Variants in MINDY3 observed in about 807,000 individuals in gnomAD.
MINDY3 encodes the protein ubiquitin carboxyl-terminal hydrolase MINDY-3.
A neutral mutation model predicts 69.2 loss-of-function variants in MINDY3; 38 were observed. The ratio of observed to expected loss-of-function variants is 0.55; its 90% CI spans 0.42 to 0.72. MINDY3 has a LOEUF of 0.72. Among genes scored for constraint, MINDY3 ranks in the 30% least tolerant of loss-of-function variants. MINDY3 has a pLI of 0.00. For missense variants in MINDY3, 522 were observed against 519.0 expected (o/e 1.01, Z -0.06); for synonymous variants, 192 against 180.1 (o/e 1.07, Z -0.53).
intron 10 of MINDY3, among the ~76,000 whole-genome samples, chr10:15,796,658 A>C (rs1837863888): frequency 6.6e-6 from 1 of 152,016 alleles, no homozygotes; most frequent in Non-Finnish European, 1.5e-5. Flanking sequence ...TAAAAATTTT[A>C]ATTTAGTAAC....
At chr10:15,842,374 T>C (rs957552380) in intron 3 of MINDY3, among the ~76,000 whole-genome samples, 1 of 151,874 alleles carries the variant, frequency 6.6e-6, no homozygotes, top group Non-Finnish European at 1.5e-5. Context: ...GCTTTACAAA[T>C]GTTTTATCAA....
chr10:15,802,688 A>T (rs947349553), intron 10 of MINDY3, among the ~76,000 whole-genome samples: 7 of 152,164 alleles, frequency 4.6e-5, no homozygotes, highest in Non-Finnish European at 1.0e-4. Context: ...TTTGTTAGCT[A>T]TTTAAACAGA....
intron 3 of MINDY3, among the ~76,000 whole-genome samples, chr10:15,842,973 C>G (rs188247594): frequency 6.6e-6 from 1 of 151,368 alleles, no homozygotes; most frequent in African/African-American, 2.4e-5. Context: ...GGAAATGCAC[C>G]GTGTTTTACC....
At chr10:15,810,767 G>A (rs115297311) in intron 10 of MINDY3, among the ~76,000 whole-genome samples, 2,347 of 152,128 alleles carry the variant, frequency 0.015, 49 homozygotes, top group African/African-American at 0.051. Context: ...TACAGAGAGA[G>A]ACAGATAATA....
intron 5 of MINDY3, 132 bp downstream of exon 5, chr10:15,838,096 G>A: frequency 1.6e-6 from 2 of 1,285,138 alleles, no homozygotes; most frequent in Non-Finnish European, 2.0e-6. Context: ...TAATCCTGAA[G>A]CAATGGATTT....
intron 12 of MINDY3, chr10:15,789,000 A>G (rs558963447): frequency 1.2e-4 from 39 of 335,796 alleles, no homozygotes; most frequent in South Asian, 5.0e-4. Context: ...AAGTTTATAG[A>G]AAGACACTTT....
chr10:15,798,664 C>A (rs1166224054), intron 10 of MINDY3, among the ~76,000 whole-genome samples: 2 of 152,014 alleles, frequency 1.3e-5, no homozygotes, highest in East Asian at 3.9e-4. Flanking sequence ...CCTGTTAACC[C>A]AGCTACTTGG....
chr10:15,812,042 A>G (rs911133563), intron 10 of MINDY3, among the ~76,000 whole-genome samples: 4 of 152,004 alleles, frequency 2.6e-5, no homozygotes, highest in African/African-American at 9.7e-5. Flanking sequence ...CCTGGGTTCA[A>G]GTGATTCTCC....
intron 11 of MINDY3, among the ~76,000 whole-genome samples, chr10:15,795,006 T>C (rs1409739157): frequency 2.1e-5 from 3 of 140,990 alleles, no homozygotes; most frequent in Non-Finnish European, 4.7e-5. Context: ...ATTCACTCCG[T>C]TTCAACTGTG....
At chr10:15,843,326 T>C in intron 2 of MINDY3, 54 bp from the exon 3 acceptor site, 2 of 1,381,246 alleles carry the variant, frequency 1.4e-6, no homozygotes, top group South Asian at 1.2e-5. Context: ...ATACATCATA[T>C]CATTCTTCAA....
chr10:15,827,486 T>G (rs1840169510), intron 8 of MINDY3, among the ~76,000 whole-genome samples: 2 of 151,926 alleles, frequency 1.3e-5, no homozygotes, highest in Non-Finnish European at 2.9e-5. Context: ...GAGGTTGCAG[T>G]GAGCCAGGAT....
intron 8 of MINDY3, among the ~76,000 whole-genome samples, chr10:15,828,506 A>G (rs760782274): frequency 6.6e-5 from 10 of 152,126 alleles, no homozygotes; most frequent in East Asian, 3.9e-4. Flanking sequence ...CTCTGAGAAA[A>G]TATTTAAAAT....
chr10:15,847,817 C>A, intron 2 of MINDY3, 47 bp downstream of exon 2: 2 of 1,358,530 alleles, frequency 1.5e-6, no homozygotes, highest in African/African-American at 1.4e-5. Context: ...AAGTATGAAA[C>A]GTTTCAAAAT....
At chr10:15,782,257 A>C in intron 13 of MINDY3, 31 bp from the exon 14 acceptor site, 1 of 1,417,890 alleles carries the variant, frequency 7.1e-7, no homozygotes, top group South Asian at 1.2e-5. Context: ...TTAACACTTT[A>C]AATTATATTT....
chr10:15,837,754 G>A, intron 5 of MINDY3: 21 of 1,035,606 alleles, frequency 2.0e-5, no homozygotes, highest in Non-Finnish European at 2.5e-5. Context: ...AGAAATTAAT[G>A]TTACATTTTA....
intron 11 of MINDY3, among the ~76,000 whole-genome samples, chr10:15,790,412 T>TGTTAA (rs1207771376): frequency 6.6e-6 from 1 of 152,116 alleles, no homozygotes; most frequent in Non-Finnish European, 1.5e-5. Flanking sequence ...AATTCCAGTT[T>TGTTAA]GTTAAGTTAC....
Position 15,844,653 on chromosome 10 carries a change from A to G in MINDY3, c.175-1381T>C, listed in dbSNP as rs926640804. ...TTAAATACAACTTTTTCCATATTAA[A>G]TATTTCTTTAGAAAAGATTCACAGA... On this transcript the variant is annotated intron_variant, in intron 2 of 14. Coordinates refer to ENST00000277632, the MANE Select transcript of MINDY3 (RefSeq NM_024948.4). Among the ~76,000 whole-genome samples, 4 of 152,284 alleles carry G rather than the reference A, an allele frequency of 2.6e-5. No individual in the cohort carries two copies. In the South Asian group the frequency reaches 8.3e-4, roughly 32 times the overall value.
At chr10:15,845,353 T>C (rs1398410013) in intron 2 of MINDY3, among the ~76,000 whole-genome samples, 2 of 152,218 alleles carry the variant, frequency 1.3e-5, no homozygotes, top group African/African-American at 4.8e-5. Flanking sequence ...TGCCTATTCT[T>C]CTTACACAGT....
chr10:15,839,394 A>G (rs934546305), intron 4 of MINDY3, among the ~76,000 whole-genome samples: 4 of 151,690 alleles, frequency 2.6e-5, no homozygotes, highest in Non-Finnish European at 5.9e-5. Flanking sequence ...TACACACCAC[A>G]TAAGCCAATG....
Sources: allele counts gnomAD v4.1 joint callset (sites outside exome capture counted in the v4.1 genomes callset), GRCh38; gene constraint gnomAD v4.1.1; transcripts MANE v1.5; gene names NCBI Gene and HGNC (gene_info 2026-07-23, HGNC 2026-07-21).